The following TRPM7 variants were observed in gnomAD, a reference collection of about 807,000 sequenced individuals.
The protein encoded by TRPM7 is transient receptor potential cation channel subfamily M member 7, also known as LTRPC ion channel family member 7.
A neutral mutation model predicts 229.7 loss-of-function variants in TRPM7; 134 were observed. That is an observed-to-expected ratio of 0.58 (90% confidence interval 0.51 to 0.67). The LOEUF (loss-of-function observed/expected upper bound fraction) is 0.67, where lower values mean the gene tolerates loss of function less well. Ranked by LOEUF, TRPM7 falls within the 30% of genes least tolerant of loss-of-function variation. The pLI is 0.00. For missense variants in TRPM7, 1,901 were observed against 2,210.0 expected, an observed-to-expected ratio of 0.86 and a Z score of 2.80; for synonymous variants, 699 against 715.2, an observed-to-expected ratio of 0.98 and a Z score of 0.36.
At chr15:50,649,894 T>C (rs895141204) in intron 3 of TRPM7, among the ~76,000 whole-genome samples, 3 of 151,884 alleles carry the variant, frequency 2.0e-5, no homozygotes, top group African/African-American at 4.8e-5. Flanking sequence ...TCCTTAAGCA[T>C]GTGGAAGAAT....
chr15:50,624,411 A>C, intron 11 of TRPM7, 111 bp from the exon 12 acceptor site: 2 of 983,882 alleles, frequency 2.0e-6, no homozygotes, highest in Non-Finnish European at 2.9e-6. Context: ...ACAGTTTTAG[A>C]ACAAAATTAG....
Position 50,665,947 on chromosome 15 carries a change from C to T in TRPM7, c.4-2901G>A, listed in dbSNP as rs971739626. Among the ~76,000 whole-genome samples, 31 of 152,144 alleles carry T rather than the reference C, an allele frequency of 2.0e-4. No individual in the cohort carries two copies. In the South Asian group the frequency reaches 2.1e-3, roughly 10 times the overall value. ...GGCAGAGCTTGCAGTGAGCCCAGATCGTGCTACTGCACTCCAGCCTGGGCA... is the reference window on the plus strand; with the variant it reads ...GGCAGAGCTTGCAGTGAGCCCAGATTGTGCTACTGCACTCCAGCCTGGGCA... On this transcript the variant is annotated intron_variant, in intron 1 of 38. Transcript: ENST00000646667.
chr15:50,565,632 A>T (rs2053564506), intron 38 of TRPM7, among the ~76,000 whole-genome samples: 1 of 152,212 alleles, frequency 6.6e-6, no homozygotes, highest in East Asian at 1.9e-4. Context: ...CAAGACAGAC[A>T]AATCCAATTA....
intron 26 of TRPM7, 150 bp downstream of exon 26, chr15:50,591,761 G>A (rs569025187): frequency 1.7e-6 from 1 of 590,412 alleles, no homozygotes; most frequent in Admixed American, 3.8e-5. Flanking sequence ...GCCTCCCAAA[G>A]TACCAGAATC....
chr15:50,679,224 A>G (rs975815416), intron 1 of TRPM7, among the ~76,000 whole-genome samples: 3 of 151,310 alleles, frequency 2.0e-5, no homozygotes, highest in Non-Finnish European at 2.9e-5. Flanking sequence ...CATTTTAGGT[A>G]CTTGGGAGGC....
At position 50,560,143 on chromosome 15, in the gene TRPM7, A is replaced by G. The variant is rs2053256613; in HGVS notation, c.*1535T>C. On this transcript the variant is annotated 3_prime_UTR_variant, in exon 39 of 39. Transcript: ENST00000646667. ...TAACAAAAAACAGATTTCTAAGAAG[A>G]CAGTAAGAAATCAGTATTAATTTAA... The G allele has an allele frequency of 6.6e-6, 1 of 152,192 alleles. No homozygotes were observed. 9.4% of individuals were successfully genotyped at this position (152,192 alleles called of 1,614,324 possible). A position where few individuals can be genotyped will look rare whatever the true frequency, so the allele number is the denominator to read the frequency against.
intron 1 of TRPM7, among the ~76,000 whole-genome samples, chr15:50,670,394 A>G (rs142968216): frequency 6.6e-6 from 1 of 152,222 alleles, no homozygotes; most frequent in Non-Finnish European, 1.5e-5. Context: ...TATAGGCCAT[A>G]AAGACTGTGC....
chr15:50,639,758 A>G (rs1207877273), intron 5 of TRPM7, among the ~76,000 whole-genome samples: 1 of 147,980 alleles, frequency 6.8e-6, no homozygotes, highest in African/African-American at 2.5e-5. Context: ...TTTTCAGTAG[A>G]GACAGGTGGG....
intron 1 of TRPM7, among the ~76,000 whole-genome samples, chr15:50,669,731 C>T (rs2061950216): frequency 6.6e-6 from 1 of 151,936 alleles, no homozygotes; most frequent in Non-Finnish European, 1.5e-5. Flanking sequence ...GCAATTTAGG[C>T]TGACCTTGCT....
At chr15:50,672,038 C>T (rs2062000309) in intron 1 of TRPM7, among the ~76,000 whole-genome samples, 1 of 151,988 alleles carries the variant, frequency 6.6e-6, no homozygotes, top group Admixed American at 6.6e-5. Context: ...TGTACTCCTA[C>T]CTATTTTTGT....
At position 50,648,760 on chromosome 15, in the gene TRPM7, T is replaced by C; in HGVS notation, c.248A>G (p.His83Arg). The change falls in exon 4 of 39, where the codon CAT becomes CGT. Residue 83 changes from histidine to arginine, a missense_variant. This residue lies in a region of TRPM7 where 794 missense variants were observed against 881.9 expected (regional missense o/e 0.90). Coordinates refer to ENST00000646667, the MANE Select transcript of TRPM7 (RefSeq NM_017672.6). Reference sequence around the variant, plus strand: ...AGCATCCGTTGGGCTCTGTTCTGTATGCTTTTCCACAGACCATTCTTCTAT... The same window carrying C: ...AGCATCCGTTGGGCTCTGTTCTGTACGCTTTTCCACAGACCATTCTTCTAT... ...QAIEEWSVEK[H>R]TEQSPTDAYG... The C allele has an allele frequency of 2.5e-6, 4 of 1,613,664 alleles. No individual in the cohort carries two copies. The South Asian group carries it at 3.3e-5, about 13-fold the overall frequency.
At chr15:50,648,918 C>A in intron 3 of TRPM7, 33 bp from the exon 4 acceptor site, 19 of 1,511,926 alleles carry the variant, frequency 1.3e-5, no homozygotes, top group East Asian at 4.7e-5. Flanking sequence ...AAACACCCTT[C>A]AAAAAATTAG....
intron 11 of TRPM7, among the ~76,000 whole-genome samples, chr15:50,625,499 CAG>C (rs2060530988): frequency 6.6e-6 from 1 of 152,160 alleles, no homozygotes; most frequent in Non-Finnish European, 1.5e-5. Flanking sequence ...GCCTCAAACT[CAG>C]GGGTTCAAGG....
At chr15:50,603,314 AT>A (rs35061176) in intron 21 of TRPM7, among the ~76,000 whole-genome samples, 42,916 of 149,954 alleles carry the variant, frequency 0.29, 7,864 homozygotes, top group Non-Finnish European at 0.42. Context: ...TAGAAGACTG[AT>A]TTTTTTTTTT....
At chr15:50,656,021 AC>A (rs200598083) in intron 3 of TRPM7, among the ~76,000 whole-genome samples, 105 of 141,818 alleles carry the variant, frequency 7.4e-4, no homozygotes, top group Middle Eastern at 3.6e-3. Context: ...AAAAAAAAAA[AC>A]CCCTGCTGCA....
chr15:50,616,500 A>G (rs491907), intron 13 of TRPM7, among the ~76,000 whole-genome samples: 69,725 of 151,974 alleles, frequency 0.46, 16,913 homozygotes, highest in East Asian at 0.57. Context: ...GACCAGAATA[A>G]GCAAATCATT....
At chr15:50,598,590 TCC>T (rs905175926) in intron 22 of TRPM7, among the ~76,000 whole-genome samples, 1 of 152,110 alleles carries the variant, frequency 6.6e-6, no homozygotes, top group African/African-American at 2.4e-5. Context: ...GGTAATCCCA[TCC>T]CCCTTGTCTG....
chr15:50,636,457 C>T (rs2060911310), intron 7 of TRPM7, among the ~76,000 whole-genome samples: 1 of 152,164 alleles, frequency 6.6e-6, no homozygotes, highest in Non-Finnish European at 1.5e-5. Flanking sequence ...TCCCAAAGTG[C>T]TGCGATTATA....
Position 50,586,448 on chromosome 15 carries a change from G to T in TRPM7, c.4430C>A (p.Ser1477Tyr), listed in dbSNP as rs867424852. The change falls in exon 28 of 39, where the codon TCT (serine) becomes TAT (tyrosine). Residue 1477 changes from serine to tyrosine, a missense_variant. Ser to Tyr is a moderately radical substitution (Grantham distance 144). Around this residue, in one of 8 missense-constraint regions of TRPM7, gnomAD observed 533 missense variants for 497.1 expected, o/e 1.07. Transcript: ENST00000646667. ...TSENTLKRVS[S>Y]LAGFTDCHRT... ...GTGACAGTCAGTAAATCCAGCAAGA[G>T]AACTCACTCGTTTCAAAGTGTTTTC... 4 of 1,613,166 alleles carry T rather than the reference G, an allele frequency of 2.5e-6. No individual in the cohort carries two copies. In the Middle Eastern group the frequency reaches 6.6e-4, roughly 267 times the overall value.
Sources: gnomAD v4.1 joint callset for allele counts (sites outside exome capture counted in the v4.1 genomes callset) on GRCh38, gnomAD v4.1.1 for gene constraint, gnomAD v4.1.1 regional missense constraint, MANE v1.5 for transcripts, NCBI Gene and HGNC (gene_info 2026-07-23, HGNC 2026-07-21) for gene names.